The following UNC5D variants were observed in gnomAD, a reference collection of about 807,000 sequenced individuals.
The protein encoded by UNC5D is netrin receptor UNC5D.
UNC5D carries 39 observed loss-of-function variants against 105.4 expected under a neutral mutation model. The ratio of observed to expected loss-of-function variants is 0.37; its 90% CI spans 0.29 to 0.48. UNC5D has a LOEUF of 0.48. UNC5D is among the 20% of genes least tolerant of loss of function. The probability of loss-of-function intolerance (pLI) is 0.98; values close to 1 mark genes in which losing one functional copy is unlikely to be tolerated. For missense variants in UNC5D, 991 were observed against 1,202.4 expected, an observed-to-expected ratio of 0.82 and a Z score of 2.60; for synonymous variants, 452 against 450.4, an observed-to-expected ratio of 1.00 and a Z score of -0.04.
At chr8:35,282,856 G>A (rs1806292379) in intron 1 of UNC5D, among the ~76,000 whole-genome samples, 1 of 152,014 alleles carries the variant, frequency 6.6e-6, no homozygotes, top group Admixed American at 6.6e-5. Flanking sequence ...TACTGATTAG[G>A]GCTTTTTACT....
chr8:35,753,885 C>G (rs950961692), intron 13 of UNC5D, among the ~76,000 whole-genome samples: 1 of 152,198 alleles, frequency 6.6e-6, no homozygotes, highest in Non-Finnish European at 1.5e-5. Flanking sequence ...CAGCCATGTA[C>G]TCCTCCGTCT....
intron 1 of UNC5D, among the ~76,000 whole-genome samples, chr8:35,475,561 T>C (rs1393671704): frequency 6.6e-6 from 1 of 152,176 alleles, no homozygotes; most frequent in Admixed American, 6.5e-5. Flanking sequence ...ACTATAGCTG[T>C]TTTTGCCAGT....
chr8:35,611,010 C>CAAAAAAAAAAAA (rs11314770), intron 4 of UNC5D, among the ~76,000 whole-genome samples: 3 of 60,098 alleles, frequency 5.0e-5, no homozygotes, highest in African/African-American at 6.6e-5. Flanking sequence ...GACAAAGAAG[C>CAAAAAAAAAAAA]AAAAAAAAAA....
chr8:35,351,849 G>A (rs183202978), intron 1 of UNC5D, among the ~76,000 whole-genome samples: 1,806 of 152,092 alleles, frequency 0.012, 38 homozygotes, highest in African/African-American at 0.042. Flanking sequence ...TTAACAAAGG[G>A]TTAAAAGTTT....
intron 1 of UNC5D, among the ~76,000 whole-genome samples, chr8:35,534,728 C>T (rs1200926598): frequency 6.6e-6 from 1 of 151,614 alleles, no homozygotes; most frequent in African/African-American, 2.4e-5. Flanking sequence ...TTGAAATGCT[C>T]AAAGATACTA....
chr8:35,336,544 T>C (rs1446769115), intron 1 of UNC5D, among the ~76,000 whole-genome samples: 1 of 152,158 alleles, frequency 6.6e-6, no homozygotes, highest in Non-Finnish European at 1.5e-5. Context: ...GCTGCTACTC[T>C]TTTGGTCTGA....
intron 1 of UNC5D, among the ~76,000 whole-genome samples, chr8:35,526,084 A>G (rs1813848933): frequency 6.6e-6 from 1 of 152,240 alleles, no homozygotes; most frequent in African/African-American, 2.4e-5. Context: ...GGGAAAAAAC[A>G]TGATTCTGTT....
At chr8:35,359,728 G>T (rs957945314) in intron 1 of UNC5D, among the ~76,000 whole-genome samples, 1 of 152,210 alleles carries the variant, frequency 6.6e-6, no homozygotes, top group South Asian at 2.1e-4. Flanking sequence ...TCATTAAAAA[G>T]ATGTATTTCT....
intron 1 of UNC5D, among the ~76,000 whole-genome samples, chr8:35,410,634 C>T (rs1452587099): frequency 6.6e-6 from 1 of 151,974 alleles, no homozygotes; most frequent in African/African-American, 2.4e-5. Context: ...AAATCTTACC[C>T]AGAAACACAG....
intron 1 of UNC5D, among the ~76,000 whole-genome samples, chr8:35,379,642 T>C (rs1017000823): frequency 1.1e-4 from 17 of 152,046 alleles, no homozygotes; most frequent in Admixed American, 2.6e-4. Context: ...TATCCCTATC[T>C]TTAAGTCTCC....
At chr8:35,257,013 C>T (rs1161575736) in intron 1 of UNC5D, among the ~76,000 whole-genome samples, 1 of 147,840 alleles carries the variant, frequency 6.8e-6, no homozygotes, top group African/African-American at 2.5e-5. Flanking sequence ...CACTCTGTTG[C>T]CAAGCTGGAG....
intron 4 of UNC5D, among the ~76,000 whole-genome samples, chr8:35,649,115 G>A (rs547819942): frequency 6.6e-6 from 1 of 152,234 alleles, no homozygotes; most frequent in East Asian, 1.9e-4. Flanking sequence ...ACATTTCCAT[G>A]ATCACATTTG....
intron 4 of UNC5D, among the ~76,000 whole-genome samples, chr8:35,653,790 A>C (rs567693965): frequency 1.8e-4 from 27 of 152,298 alleles, no homozygotes; most frequent in African/African-American, 6.3e-4. Context: ...TAATAGATGA[A>C]TTTTAATGTG....
intron 7 of UNC5D, among the ~76,000 whole-genome samples, chr8:35,694,394 T>C (rs978623203): frequency 8.5e-5 from 13 of 152,250 alleles, no homozygotes; most frequent in Admixed American, 7.8e-4. Flanking sequence ...GAACCTAGAA[T>C]TGGAAGAAAT....
At chr8:35,570,735 C>A (rs1036106580) in intron 3 of UNC5D, among the ~76,000 whole-genome samples, 3 of 151,838 alleles carry the variant, frequency 2.0e-5, no homozygotes, top group African/African-American at 4.8e-5. Context: ...GGGTGGATCA[C>A]CTGAGGTCAG....
At chr8:35,527,487 C>A (rs1813957911) in intron 1 of UNC5D, among the ~76,000 whole-genome samples, 1 of 152,096 alleles carries the variant, frequency 6.6e-6, no homozygotes, top group Non-Finnish European at 1.5e-5. Flanking sequence ...ATGGCTGTTT[C>A]TTCTTTGTGC....
intron 7 of UNC5D, among the ~76,000 whole-genome samples, chr8:35,705,539 T>G (rs1827518045): frequency 2.0e-5 from 3 of 152,232 alleles, no homozygotes; most frequent in Non-Finnish European, 4.4e-5. Context: ...ATTTATTTGC[T>G]GGTTCATTTT....
At chr8:35,767,153 G>A in intron 15 of UNC5D, 87 bp downstream of exon 15, 1 of 1,420,658 alleles carries the variant, frequency 7.0e-7, no homozygotes, top group Non-Finnish European at 9.4e-7. Context: ...GTGCTATTCA[G>A]GTTCTGAAAG....
At position 35,794,370 on chromosome 8, in the gene UNC5D, T is replaced by C. The variant is rs1015011588; in HGVS notation, c.*3807T>C. ...CTGTCTGTGGCCCATTGTCATTGTTTCCTCATGAAACATTGCAGAGTTTGA... is the reference window on the plus strand; with the variant it reads ...CTGTCTGTGGCCCATTGTCATTGTTCCCTCATGAAACATTGCAGAGTTTGA... On this transcript the variant is annotated 3_prime_UTR_variant, in exon 17 of 17. Transcript: ENST00000404895. 1 of 152,198 alleles carries C rather than the reference T, an allele frequency of 6.6e-6. No individual in the cohort carries two copies. Among genetic ancestry groups the C allele is most frequent in the Non-Finnish European group, 1.5e-5 (1 of 68,026 alleles). 9.4% of individuals were successfully genotyped at this position (152,198 alleles called of 1,614,324 possible).
Sources: gnomAD v4.1 joint callset for allele counts (sites outside exome capture counted in the v4.1 genomes callset) on GRCh38, gnomAD v4.1.1 for gene constraint, MANE v1.5 for transcripts, NCBI Gene and HGNC (gene_info 2026-07-23, HGNC 2026-07-21) for gene names.